CHLSN: variants seen among roughly 807,000 people sequenced by gnomAD.
The protein encoded by CHLSN is cholesin.
chr7:1,092,203 C>A, the CHLSN span: 1 of 1,613,168 alleles, frequency 6.2e-7, no homozygotes, highest in Non-Finnish European at 8.5e-7. Flanking sequence ...CTACATCGCC[C>A]TGGCCAGGGC....
the CHLSN span, among the ~76,000 whole-genome samples, chr7:1,038,934 G>C: frequency 1.5e-5 from 1 of 68,488 alleles, no homozygotes; most frequent in Non-Finnish European, 3.1e-5. Flanking sequence ...GGTGAGGGGC[G>C]CCTCTGCCCG....
the CHLSN span, among the ~76,000 whole-genome samples, chr7:1,086,010 C>A: frequency 2.0e-5 from 3 of 152,200 alleles, no homozygotes; most frequent in African/African-American, 7.2e-5. Context: ...ACTTACCCGC[C>A]CAGTGCCCAC....
At chr7:1,078,629 A>G in the CHLSN span, among the ~76,000 whole-genome samples, 1 of 152,110 alleles carries the variant, frequency 6.6e-6, no homozygotes, top group Non-Finnish European at 1.5e-5. Flanking sequence ...TGCTCACGAC[A>G]GGGCCCAAAT....
chr7:1,084,351 G>C, the CHLSN span, among the ~76,000 whole-genome samples: 1 of 152,250 alleles, frequency 6.6e-6, no homozygotes, highest in Non-Finnish European at 1.5e-5. Flanking sequence ...CATCATCAGA[G>C]AATGTGTCCG....
At chr7:988,473 G>A in the CHLSN span, 3 of 1,606,220 alleles carry the variant, frequency 1.9e-6, no homozygotes, top group Middle Eastern at 3.3e-4. Flanking sequence ...CCAGGGGTGG[G>A]ACGGCCCCAG....
chr7:1,131,376 G>A, the CHLSN span, among the ~76,000 whole-genome samples: 34 of 152,236 alleles, frequency 2.2e-4, no homozygotes, highest in East Asian at 2.5e-3. Context: ...TGGGATGCCA[G>A]GTGAGGCCAG....
the CHLSN span, among the ~76,000 whole-genome samples, chr7:1,052,347 G>A: frequency 1.3e-5 from 2 of 152,234 alleles, no homozygotes; most frequent in African/African-American, 4.8e-5. The surrounding 1 kb of genome is among the most constrained non-coding windows in gnomAD (Gnocchi z 4.2). Context: ...CTAGGGGAGG[G>A]CCTTGGGGCT....
At chr7:1,084,369 T>C in the CHLSN span, among the ~76,000 whole-genome samples, 4 of 152,222 alleles carry the variant, frequency 2.6e-5, no homozygotes, top group Admixed American at 2.6e-4. Context: ...CCGCCTGGCA[T>C]GTGAGACACG....
chr7:1,106,637 G>A, the CHLSN span, among the ~76,000 whole-genome samples: 2 of 152,216 alleles, frequency 1.3e-5, no homozygotes, highest in East Asian at 1.9e-4. Flanking sequence ...CGGGCCTGGG[G>A]CAGGCAGAAG....
chr7:1,023,416 G>C, the CHLSN span, among the ~76,000 whole-genome samples: 1 of 152,000 alleles, frequency 6.6e-6, no homozygotes, highest in Admixed American at 6.6e-5. The surrounding 1 kb of genome is among the most constrained non-coding windows in gnomAD (Gnocchi z 5.0). Context: ...CCAGGCTGAA[G>C]ACATGGACAG....
the CHLSN span, chr7:1,055,335 G>A: frequency 1.3e-5 from 6 of 471,008 alleles, no homozygotes; most frequent in South Asian, 3.1e-5. Context: ...GGCCAGGCGC[G>A]CTGCTGATAA....
At chr7:1,116,812 G>C in the CHLSN span, among the ~76,000 whole-genome samples, 32 of 43,122 alleles carry the variant, frequency 7.4e-4, 1 homozygote, top group African/African-American at 1.5e-3. Context: ...TACAGATCTA[G>C]GGACCGGCTT....
chr7:988,445 G>A, the CHLSN span: 3 of 1,611,438 alleles, frequency 1.9e-6, no homozygotes, highest in Non-Finnish European at 1.7e-6. Context: ...GCCGGGGTGG[G>A]GCGGCACCTC....
At chr7:1,070,770 C>G in the CHLSN span, among the ~76,000 whole-genome samples, 1 of 149,748 alleles carries the variant, frequency 6.7e-6, no homozygotes, top group African/African-American at 2.5e-5. Flanking sequence ...CATACACATG[C>G]ACACGCACGC....
chr7:1,056,894 T>A, the CHLSN span: 1 of 152,646 alleles, frequency 6.6e-6, no homozygotes, highest in African/African-American at 2.4e-5. Flanking sequence ...AAATTCTTAC[T>A]CTAGGATGGC....
At chr7:1,126,538 G>A in the CHLSN span, among the ~76,000 whole-genome samples, 402 of 151,848 alleles carry the variant, frequency 2.6e-3, no homozygotes, top group Admixed American at 4.9e-3. Context: ...AAAACTAGTC[G>A]GGCGTGGTGG....
chr7:1,050,241 A>G, the CHLSN span, among the ~76,000 whole-genome samples: 1 of 152,160 alleles, frequency 6.6e-6, no homozygotes, highest in African/African-American at 2.4e-5. Context: ...CAGTGGCCCA[A>G]AGTCACAGGT....
the CHLSN span, among the ~76,000 whole-genome samples, chr7:1,075,327 A>G: frequency 2.6e-5 from 4 of 152,246 alleles, no homozygotes; most frequent in South Asian, 8.3e-4. Flanking sequence ...CCTCTTCAAC[A>G]TGGTAAAATC....
At chr7:991,318 G>A in the CHLSN span, among the ~76,000 whole-genome samples, 1 of 152,202 alleles carries the variant, frequency 6.6e-6, no homozygotes, top group Non-Finnish European at 1.5e-5. Context: ...CCAGCGAGAT[G>A]ACAGGGCTCC....
Sources: gnomAD v4.1 joint callset for allele counts (sites outside exome capture counted in the v4.1 genomes callset) on GRCh38, gnomAD v4.1.1 for gene constraint, Gnocchi (gnomAD v3.1) non-coding constraint, MANE v1.5 for transcripts, NCBI Gene and HGNC (gene_info 2026-07-23, HGNC 2026-07-21) for gene names.